WBP1L: variants seen among roughly 807,000 people sequenced by gnomAD.
WBP1L encodes the protein WW domain binding protein 1-like.
WBP1L carries 17 observed loss-of-function variants against 33.7 expected under a neutral mutation model. The observed-to-expected ratio is 0.50, with a 90% confidence interval of 0.34 to 0.76. WBP1L has a LOEUF of 0.76. WBP1L is among the 30% of genes least tolerant of loss of function. WBP1L has a pLI of 0.01. For missense variants in WBP1L, 389 were observed against 469.4 expected (o/e 0.83, Z 1.58); for synonymous variants, 173 against 190.8 (o/e 0.91, Z 0.77).
intron 2 of WBP1L, among the ~76,000 whole-genome samples, chr10:102,798,817 A>C (rs1843610969): frequency 6.6e-6 from 1 of 152,196 alleles, no homozygotes; most frequent in Non-Finnish European, 1.5e-5. Context: ...TGTAAGGACC[A>C]CAGGGGCTTC....
At position 102,809,956 on chromosome 10, in the gene WBP1L, G is replaced by A. The variant is rs746822982; in HGVS notation, c.257G>A (p.Arg86Gln). The A allele has an allele frequency of 9.3e-6, 15 of 1,613,906 alleles. No individual in the cohort carries two copies. Among genetic ancestry groups the A allele is most frequent in the Non-Finnish European group, 1.1e-5 (13 of 1,180,016 alleles). ...TGCTGCTGTGTTTGCCACCACCGCCGAGCCAAGCACCGCCTTCAGGCCCAG... is the reference window on the plus strand; with the variant it reads ...TGCTGCTGTGTTTGCCACCACCGCCAAGCCAAGCACCGCCTTCAGGCCCAG... Reference protein sequence around the residue: ...LSCCCVCHHRRAKHRLQAQQR... With the variant: ...LSCCCVCHHRQAKHRLQAQQR... Residue 86 changes from arginine to glutamine, a missense_variant, in exon 3 of 4, where the codon CGA becomes CAA. Transcript: ENST00000448841.
intron 1 of WBP1L, among the ~76,000 whole-genome samples, chr10:102,784,878 T>TC (rs1213526395): frequency 3.0e-4 from 11 of 36,860 alleles, no homozygotes; most frequent in African/African-American, 6.7e-4. Context: ...TTTTCTTTTT[T>TC]TTTTTTTTTT....
At chr10:102,759,730 T>C (rs1843015384) in intron 1 of WBP1L, among the ~76,000 whole-genome samples, 1 of 152,150 alleles carries the variant, frequency 6.6e-6, no homozygotes, top group African/African-American at 2.4e-5. Context: ...ACAGGAAAGA[T>C]CATAGCTCAC....
At position 102,743,986 on chromosome 10, in the gene WBP1L, AGAG is replaced by A. The variant is rs1564750578; in HGVS notation, c.-61_-59del. The A allele has an allele frequency of 5.4e-6, 6 of 1,113,308 alleles. No homozygotes were observed. The highest frequency in any genetic ancestry group is 5.2e-5 in the East Asian group (2 of 38,134). 69.0% of individuals were successfully genotyped at this position (1,113,308 alleles called of 1,614,324 possible). A position where few individuals can be genotyped will look rare whatever the true frequency, so the allele number is the denominator to read the frequency against. ...AGAAGGGAAGAAGGAAGAAGAGGGT[AGAG>A]GAGGAGAGGGAGGAGGAGGAGGGAG... On this transcript the variant is annotated 5_prime_UTR_variant, in exon 1 of 4. Transcript: ENST00000448841.
At chr10:102,765,711 T>A (rs1320985145) in intron 1 of WBP1L, among the ~76,000 whole-genome samples, 2 of 152,192 alleles carry the variant, frequency 1.3e-5, no homozygotes, top group Non-Finnish European at 2.9e-5. Context: ...AAGAAATATC[T>A]AAAACATAAA....
intron 2 of WBP1L, among the ~76,000 whole-genome samples, chr10:102,809,524 A>G (rs1181300523): frequency 6.6e-6 from 1 of 150,858 alleles, no homozygotes; most frequent in Non-Finnish European, 1.5e-5. Context: ...GGCGCCTGCC[A>G]CCATACCTGG....
In WBP1L at chr10:102,746,725, T is replaced by C. The variant is rs1590162697; in HGVS notation, c.90+2582T>C. Among the ~76,000 whole-genome samples, 3 of 152,242 alleles carry C rather than the reference T, an allele frequency of 2.0e-5. No individual in the cohort carries two copies. In the South Asian group the frequency reaches 6.2e-4, roughly 32 times the overall value. On this transcript the variant is annotated intron_variant, in intron 1 of 3. Coordinates refer to ENST00000448841, the MANE Select transcript of WBP1L (RefSeq NM_001083913.2). ...CATGGTCCTTAATTCAACAATGAAG[T>C]CCAGCTAACTTTGAATTCAGGAGGA...
intron 1 of WBP1L, among the ~76,000 whole-genome samples, chr10:102,785,840 G>A (rs1178065858): frequency 6.6e-6 from 1 of 152,194 alleles, no homozygotes; most frequent in Non-Finnish European, 1.5e-5. Context: ...GAATTCCTGG[G>A]GACTGCTTTT....
chr10:102,775,247 G>C (rs965075130), intron 1 of WBP1L, among the ~76,000 whole-genome samples: 4 of 152,014 alleles, frequency 2.6e-5, no homozygotes, highest in African/African-American at 9.7e-5. Flanking sequence ...TGTTGTCTTT[G>C]GTAGAGGATT....
In WBP1L at chr10:102,810,062, C is replaced by T. The variant is rs1351711778; in HGVS notation, c.355+8C>T. On this transcript the variant is annotated splice_region_variant and intron_variant, in intron 3 of 3. Coordinates refer to ENST00000448841, the MANE Select transcript of WBP1L (RefSeq NM_001083913.2). Reference sequence around the variant, plus strand: ...CGCTGCCATTTTATTTCAGTACGTACACCCAAGCCCCCATACCCACCCTCA... The same window carrying T: ...CGCTGCCATTTTATTTCAGTACGTATACCCAAGCCCCCATACCCACCCTCA... 1.9e-6 allele frequency: 3 copies of T among 1,603,042 alleles called. No homozygotes were observed. The East Asian group carries it at 6.7e-5, about 36-fold the overall frequency.
At chr10:102,766,511 A>T (rs990302940) in intron 1 of WBP1L, among the ~76,000 whole-genome samples, 1 of 151,044 alleles carries the variant, frequency 6.6e-6, no homozygotes, top group African/African-American at 2.4e-5. Context: ...AGTCTCAGCT[A>T]CTTGGGAGGC....
intron 1 of WBP1L, among the ~76,000 whole-genome samples, chr10:102,795,615 A>C (rs1357195441): frequency 1.3e-5 from 2 of 152,218 alleles, no homozygotes; most frequent in African/African-American, 4.8e-5. Flanking sequence ...GTTGACAGCC[A>C]TGTGTTCCGA....
intron 2 of WBP1L, among the ~76,000 whole-genome samples, chr10:102,805,622 G>A (rs1843721430): frequency 6.6e-6 from 1 of 152,106 alleles, no homozygotes; most frequent in Non-Finnish European, 1.5e-5. Flanking sequence ...GCCATCTCTG[G>A]TATTTCACAC....
chr10:102,755,632 A>G (rs914499808), intron 1 of WBP1L, among the ~76,000 whole-genome samples: 2 of 151,770 alleles, frequency 1.3e-5, no homozygotes, highest in African/African-American at 4.8e-5. Flanking sequence ...AGCTCAAGTG[A>G]TCTGCCTGTC....
intron 1 of WBP1L, among the ~76,000 whole-genome samples, chr10:102,763,207 C>CAAAAA (rs36003893): frequency 5.4e-4 from 51 of 93,804 alleles, no homozygotes; most frequent in East Asian, 1.8e-3. Context: ...ACTTTTGTCT[C>CAAAAA]AAAAAAAAAA....
chr10:102,812,916 A>G lies in WBP1L; in HGVS notation c.677A>G (p.Glu226Gly). 6.3e-7 allele frequency: 1 copy of G among 1,583,818 alleles called. No individual in the cohort carries two copies. The change falls in exon 4 of 4, where the codon GAG (glutamate) becomes GGG (glycine). Residue 226 changes from glutamate (E) to glycine (G), a missense_variant. By Grantham distance (98) the Glu-to-Gly change is moderately conservative (BLOSUM62 -2). Coordinates refer to ENST00000448841, the MANE Select transcript of WBP1L (RefSeq NM_001083913.2). ...AGTGGCTCTGTGGCTGGCCTGGGGGAGCTGGACCCGGGGGCCTTCCTGGAC... is the reference window on the plus strand; with the variant it reads ...AGTGGCTCTGTGGCTGGCCTGGGGGGGCTGGACCCGGGGGCCTTCCTGGAC... ...EPSGSVAGLG[E>G]LDPGAFLDKD...
chr10:102,807,467 C>A (rs2134066188), intron 2 of WBP1L, among the ~76,000 whole-genome samples: 2 of 152,252 alleles, frequency 1.3e-5, no homozygotes, highest in South Asian at 4.2e-4. Flanking sequence ...AACCTCCCCT[C>A]CTGGGTTCAA....
At chr10:102,772,120 G>T (rs1465244381) in intron 1 of WBP1L, among the ~76,000 whole-genome samples, 2 of 151,248 alleles carry the variant, frequency 1.3e-5, no homozygotes, top group Middle Eastern at 3.4e-3. Context: ...CCACCACGCT[G>T]GTTAATTTTT....
chr10:102,810,856 C>T (rs1009915602), intron 3 of WBP1L, among the ~76,000 whole-genome samples: 2 of 150,902 alleles, frequency 1.3e-5, no homozygotes, highest in Non-Finnish European at 3.0e-5. Context: ...CGTGAGCCAC[C>T]GTGCCCCTGC....
Sources: gnomAD v4.1 joint callset for allele counts (sites outside exome capture counted in the v4.1 genomes callset) on GRCh38, gnomAD v4.1.1 for gene constraint, MANE v1.5 for transcripts, NCBI Gene and HGNC (gene_info 2026-07-23, HGNC 2026-07-21) for gene names.